ASIC2: variants seen among roughly 807,000 people sequenced by gnomAD.
ASIC2 encodes the protein acid-sensing ion channel 2.
Under a neutral mutation model 57.3 loss-of-function variants are expected in ASIC2, and 25 were observed. The ratio of observed to expected loss-of-function variants is 0.44; its 90% CI spans 0.32 to 0.61. The LOEUF is 0.61. Among genes scored for constraint, ASIC2 ranks in the 20% least tolerant of loss-of-function variants. ASIC2 has a pLI of 0.06. For missense variants in ASIC2, 641 were observed against 738.1 expected, an observed-to-expected ratio of 0.87 and a Z score of 1.52; for synonymous variants, 319 against 307.5, an observed-to-expected ratio of 1.04 and a Z score of -0.39.
chr17:33,926,470 A>C (rs1915824358), intron 1 of ASIC2, among the ~76,000 whole-genome samples: 1 of 152,224 alleles, frequency 6.6e-6, no homozygotes, highest in Non-Finnish European at 1.5e-5. Flanking sequence ...ACATAGCCTG[A>C]AGATAATTTT....
chr17:33,169,778 G>A (rs1168878210), intron 1 of ASIC2, among the ~76,000 whole-genome samples: 1 of 152,116 alleles, frequency 6.6e-6, no homozygotes, highest in Admixed American at 6.5e-5. Context: ...GGTTTCTGGA[G>A]AAGACGTCTA....
chr17:33,811,775 C>A (rs185593788), intron 1 of ASIC2, among the ~76,000 whole-genome samples: 16 of 152,318 alleles, frequency 1.1e-4, no homozygotes, highest in African/African-American at 3.6e-4. Context: ...GGTTTCCCTG[C>A]TGGGAAGTGG....
At chr17:33,658,020 G>C (rs1907130998) in intron 1 of ASIC2, among the ~76,000 whole-genome samples, 1 of 152,164 alleles carries the variant, frequency 6.6e-6, no homozygotes, top group Non-Finnish European at 1.5e-5. Context: ...AGCCAGTCCA[G>C]AGAAGCAAAC....
chr17:33,118,919 T>C (rs1202298668), intron 1 of ASIC2, among the ~76,000 whole-genome samples: 1 of 152,140 alleles, frequency 6.6e-6, no homozygotes, highest in East Asian at 1.9e-4. Context: ...CCTCTGGGCT[T>C]GGTGTGATCT....
At chr17:33,994,927 T>C (rs1906109852) in intron 1 of ASIC2, among the ~76,000 whole-genome samples, 1 of 152,144 alleles carries the variant, frequency 6.6e-6, no homozygotes, top group Admixed American at 6.5e-5. Flanking sequence ...CAAATATTGC[T>C]CTCTCAAGGA....
At position 33,716,296 on chromosome 17, in the gene ASIC2, G is replaced by A. The variant is rs901520726; in HGVS notation, c.555+439682C>T. On this transcript the variant is annotated intron_variant, in intron 1 of 9. Coordinates refer to the ASIC2 transcript ENST00000359872. ...CTTCAATGATTTCTTTGGATCTTAC[G>A]GATAAAGACTCAAATCTTCAGTGGC... Among the ~76,000 whole-genome samples the A allele has an allele frequency of 1.5e-4, 23 of 152,174 alleles. No individual in the cohort carries two copies. In the Middle Eastern group the frequency reaches 0.014, roughly 90 times the overall value.
rs1444004459 is a variant in ASIC2, at chr17:33,579,556, G to A, written c.556-467489C>T. Among the ~76,000 whole-genome samples, 22 of 152,098 alleles carry A rather than the reference G, an allele frequency of 1.4e-4. 1 individual carries two copies. The highest frequency in any genetic ancestry group is 9.2e-4 in the Admixed American group (14 of 15,266). On this transcript the variant is annotated intron_variant, in intron 1 of 9. Transcript: ENST00000359872. ...GTCTCCCTGCCTTCAAGAATGAAAG[G>A]GCAGACCCTACTGGTGAGTGTTACA...
chr17:33,184,732 A>G (rs1906121442), intron 1 of ASIC2, among the ~76,000 whole-genome samples: 1 of 152,126 alleles, frequency 6.6e-6, no homozygotes, highest in Non-Finnish European at 1.5e-5. Flanking sequence ...GTAAGCACCT[A>G]CCAATCCAAA....
chr17:33,383,941 G>A (rs527300385), intron 1 of ASIC2, among the ~76,000 whole-genome samples: 1 of 152,332 alleles, frequency 6.6e-6, no homozygotes, highest in South Asian at 2.1e-4. Flanking sequence ...TGTTTACTCA[G>A]GAGTGAGTTA....
intron 1 of ASIC2, among the ~76,000 whole-genome samples, chr17:33,191,668 C>A (rs1234870441): frequency 1.3e-5 from 2 of 152,030 alleles, no homozygotes; most frequent in Admixed American, 1.3e-4. Flanking sequence ...ACAGGATCCA[C>A]GGCCCTCTAC....
intron 1 of ASIC2, among the ~76,000 whole-genome samples, chr17:33,313,076 G>A (rs1002631426): frequency 9.9e-5 from 15 of 152,196 alleles, no homozygotes; most frequent in African/African-American, 3.6e-4. Flanking sequence ...GGGAGACCAA[G>A]GTGGGAGGAT....
At chr17:33,496,647 T>G (rs1314691878) in intron 1 of ASIC2, among the ~76,000 whole-genome samples, 1 of 124,314 alleles carries the variant, frequency 8.0e-6, no homozygotes, top group Non-Finnish European at 1.6e-5. Flanking sequence ...AGATGGGGTC[T>G]CACTCTGTCG....
intron 1 of ASIC2, among the ~76,000 whole-genome samples, chr17:33,246,883 C>T (rs1258004988): frequency 6.6e-6 from 1 of 152,120 alleles, no homozygotes; most frequent in Admixed American, 6.5e-5. Context: ...ATTGAGGGTT[C>T]CCCAGCACAG....
chr17:33,215,204 A>T (rs549132238), intron 1 of ASIC2, among the ~76,000 whole-genome samples: 1 of 152,372 alleles, frequency 6.6e-6, no homozygotes, highest in Non-Finnish European at 1.5e-5. Context: ...GGGGAAAAGT[A>T]TTGTAAAATG....
At position 33,705,170 on chromosome 17, in the gene ASIC2, T is replaced by C. The variant is rs144731154; in HGVS notation, c.555+450808A>G. Among the ~76,000 whole-genome samples the C allele has an allele frequency of 2.0e-4, 31 of 152,350 alleles. No individual in the cohort carries two copies. In the East Asian group the frequency reaches 5.6e-3, roughly 27 times the overall value. Reference sequence around the variant, plus strand: ...TCTTTTTTCTCACAAATTAGCATTTTACATGAGTAATGTATGTTCATTATT... The same window carrying C: ...TCTTTTTTCTCACAAATTAGCATTTCACATGAGTAATGTATGTTCATTATT... On this transcript the variant is annotated intron_variant, in intron 1 of 9. Coordinates refer to the ASIC2 transcript ENST00000359872.
rs375153250 is a variant in ASIC2 at position 33,338,412 on chromosome 17, G to A, written c.556-226345C>T. 2.6e-5 allele frequency among the ~76,000 whole-genome samples: 4 copies of A among 152,312 alleles called. No homozygotes were observed. In the South Asian group the frequency reaches 6.2e-4, roughly 24 times the overall value. The stretch of plus-strand genomic sequence containing the variant: ...TTAGTGCTGGGCTTGTGGGAGGAAC[G>A]GCAGAAGTGGGAGAATCAGGGGTGG... On this transcript the variant is annotated intron_variant, in intron 1 of 9. Transcript: ENST00000359872.
chr17:33,395,698 G>A (rs1244406857), intron 1 of ASIC2, among the ~76,000 whole-genome samples: 1 of 152,222 alleles, frequency 6.6e-6, no homozygotes, highest in African/African-American at 2.4e-5. Flanking sequence ...TTGTGGGCAT[G>A]TTGGGAATTC....
At chr17:33,689,751 G>T (rs914868121) in intron 1 of ASIC2, among the ~76,000 whole-genome samples, 11 of 152,188 alleles carry the variant, frequency 7.2e-5, no homozygotes, top group African/African-American at 2.4e-4. Context: ...TACCCTGGTG[G>T]GCCCTAAGTC....
intron 1 of ASIC2, among the ~76,000 whole-genome samples, chr17:33,476,373 A>T (rs1287586500): frequency 6.6e-6 from 1 of 152,116 alleles, no homozygotes; most frequent in African/African-American, 2.4e-5. Context: ...GTATGACTGT[A>T]TCACAACTTA....
Sources: allele counts gnomAD v4.1 joint callset (sites outside exome capture counted in the v4.1 genomes callset), GRCh38; gene constraint gnomAD v4.1.1; transcripts MANE v1.5; gene names NCBI Gene and HGNC (gene_info 2026-07-23, HGNC 2026-07-21).